GLT1D1: variants seen among roughly 807,000 people sequenced by gnomAD.
GLT1D1 encodes the protein glycosyltransferase 1 domain containing 1.
A neutral mutation model predicts 28.7 loss-of-function variants in GLT1D1; 21 were observed. The ratio of observed to expected loss-of-function variants is 0.73; its 90% CI spans 0.52 to 1.05. The LOEUF (loss-of-function observed/expected upper bound fraction) is 1.05. Among genes scored for constraint, GLT1D1 ranks in the 50% least tolerant of loss-of-function variants. The pLI is 0.00. For missense variants in GLT1D1, 343 were observed against 330.6 expected, an observed-to-expected ratio of 1.04 and a Z score of -0.29; for synonymous variants, 147 against 124.8, an observed-to-expected ratio of 1.18 and a Z score of -1.19.
At chr12:128,865,683 G>C (rs557636526) in intron 1 of GLT1D1, among the ~76,000 whole-genome samples, 2 of 152,012 alleles carry the variant, frequency 1.3e-5, no homozygotes, top group African/African-American at 4.8e-5. Context: ...TTAGCCAGGC[G>C]TGGTGGCATG....
chr12:128,970,403 C>G (rs1878921169), intron 7 of GLT1D1, among the ~76,000 whole-genome samples: 1 of 152,228 alleles, frequency 6.6e-6, no homozygotes, highest in Admixed American at 6.5e-5. Flanking sequence ...CCACTGCACT[C>G]CCGGACCGAG....
chr12:128,970,622 G>C (rs1593206217), intron 7 of GLT1D1, among the ~76,000 whole-genome samples: 2 of 152,332 alleles, frequency 1.3e-5, no homozygotes, highest in South Asian at 4.1e-4. Context: ...CCCCCTCCTC[G>C]TTCCAGGCTT....
rs76621776 is a variant in GLT1D1 at position 128,903,251 on chromosome 12, G to A, written c.375+3964G>A. Among the ~76,000 whole-genome samples the A allele has an allele frequency of 7.1e-3, 1,072 of 151,728 alleles. 34 individuals are homozygous for A. Among genetic ancestry groups the A allele is most frequent in the African/African-American group, 0.025 (1,016 of 41,104 alleles). On this transcript the variant is annotated intron_variant, in intron 4 of 7. Coordinates refer to ENST00000281703, the MANE Select transcript of GLT1D1 (RefSeq NM_144669.3). ...GCAGGGTGGCCTCACTTCCATGCCT[G>A]GACCTTAGCTGGGATGGTGGGGACC...
At chr12:128,908,347 CCTTT>C (rs200465576) in intron 4 of GLT1D1, among the ~76,000 whole-genome samples, 6,160 of 105,418 alleles carry the variant, frequency 0.058, 393 homozygotes, top group African/African-American at 0.18. Flanking sequence ...TCTTTCTTTC[CCTTT>C]CTTTCTTTCT....
rs1280908521 is a variant in GLT1D1, at chr12:128,941,909, T to C, written c.376-3417T>C. On this transcript the variant is annotated intron_variant, in intron 4 of 7. Transcript: ENST00000281703. ...GCCTGGTCTCTCTCTCTCTCTCTTT[T>C]TTTTTTTTTTTTTTTTTTTTACTAT... is the stretch of plus-strand genomic sequence containing the variant. Among the ~76,000 whole-genome samples the C allele has an allele frequency of 5.0e-3, 452 of 89,640 alleles. 3 individuals carry two copies. The highest frequency in any genetic ancestry group is 0.036 in the African/African-American group (432 of 12,094). The allele number at this position is 89,640 out of a possible 152,430, so 58.8% of individuals were successfully genotyped here.
intron 4 of GLT1D1, among the ~76,000 whole-genome samples, chr12:128,933,441 T>C (rs1037312159): frequency 2.0e-5 from 3 of 152,270 alleles, no homozygotes; most frequent in Non-Finnish European, 2.9e-5. Flanking sequence ...TGTCCCGGGC[T>C]GCCCTTTGGG....
chr12:128,885,369 T>G (rs1480417518), intron 2 of GLT1D1, among the ~76,000 whole-genome samples: 3 of 152,090 alleles, frequency 2.0e-5, no homozygotes, highest in Non-Finnish European at 2.9e-5. Context: ...ATTAAAGGCA[T>G]GTGCTACCAC....
At chr12:128,920,429 C>A (rs1441226187) in intron 4 of GLT1D1, among the ~76,000 whole-genome samples, 1 of 152,074 alleles carries the variant, frequency 6.6e-6, no homozygotes, top group East Asian at 1.9e-4. Flanking sequence ...TAGTGCATGT[C>A]TGTAATCCCA....
intron 4 of GLT1D1, among the ~76,000 whole-genome samples, chr12:128,934,012 G>A (rs565911949): frequency 4.4e-4 from 67 of 152,136 alleles, no homozygotes; most frequent in African/African-American, 1.5e-3. Context: ...ACCACTATTC[G>A]TGACATCCGA....
rs960211891 is a variant in GLT1D1 at position 128,953,838 on chromosome 12, C to T, written c.541-3707C>T. Among the ~76,000 whole-genome samples, 48 of 151,708 alleles carry T rather than the reference C, an allele frequency of 3.2e-4. No homozygotes were observed. The Middle Eastern group carries it at 0.01, about 32-fold the overall frequency. ...TCGGCTCACTGCAACCTCCGCCTCCCGGGATCAAGCGATTCTCCTGCCTCA... is the reference window on the plus strand; with the variant it reads ...TCGGCTCACTGCAACCTCCGCCTCCTGGGATCAAGCGATTCTCCTGCCTCA... On this transcript the variant is annotated intron_variant, in intron 6 of 7. Coordinates refer to ENST00000281703, the MANE Select transcript of GLT1D1 (RefSeq NM_144669.3).
chr12:128,923,030 A>T (rs1291108601), intron 4 of GLT1D1, among the ~76,000 whole-genome samples: 6 of 152,172 alleles, frequency 3.9e-5, no homozygotes, highest in Non-Finnish European at 8.8e-5. Flanking sequence ...AGAGGCTGTG[A>T]CAATTTTCCA....
intron 4 of GLT1D1, 90 bp from the exon 6 acceptor site, chr12:128,914,843 A>T: frequency 1.1e-6 from 1 of 874,646 alleles, no homozygotes. Flanking sequence ...TAATAGTAAT[A>T]ATAATAATAA....
At chr12:128,861,540 T>C (rs982375441) in intron 1 of GLT1D1, among the ~76,000 whole-genome samples, 1 of 152,186 alleles carries the variant, frequency 6.6e-6, no homozygotes, top group African/African-American at 2.4e-5. Context: ...AAGGGGCAGT[T>C]CAGTCCAGCC....
chr12:128,975,554 A>G (rs676156), intron 7 of GLT1D1, among the ~76,000 whole-genome samples: 80,408 of 151,892 alleles, frequency 0.53, 21,521 homozygotes, highest in Admixed American at 0.63. Context: ...TGGTTCAAGC[A>G]ATCATCCTGC....
chr12:128,879,382 CTT>C (rs1956955891), intron 2 of GLT1D1, among the ~76,000 whole-genome samples: 1 of 29,356 alleles, frequency 3.4e-5, no homozygotes, highest in Non-Finnish European at 6.4e-5. Flanking sequence ...TTTTCTTTTT[CTT>C]TCTTTCTTTC....
intron 7 of GLT1D1, among the ~76,000 whole-genome samples, chr12:128,976,658 A>G (rs1879792529): frequency 6.6e-6 from 1 of 152,184 alleles, no homozygotes; most frequent in South Asian, 2.1e-4. Flanking sequence ...AAAAATAAGT[A>G]TATATCACTT....
Position 128,972,172 on chromosome 12 carries a change from G to A in GLT1D1, c.640-10757G>A, listed in dbSNP as rs75884848. On this transcript the variant is annotated intron_variant, in intron 7 of 7. Coordinates refer to ENST00000281703, the MANE Select transcript of GLT1D1 (RefSeq NM_144669.3). Reference sequence around the variant, plus strand: ...AACAGGAAGTGGCAGCTGCTCTAATGGGCCCCATCACTTCAGGAGGGCAGC... The same window carrying A: ...AACAGGAAGTGGCAGCTGCTCTAATAGGCCCCATCACTTCAGGAGGGCAGC... Among the ~76,000 whole-genome samples, 305 of 152,204 alleles carry A rather than the reference G, an allele frequency of 2.0e-3. 2 individuals are homozygous for A. Among genetic ancestry groups the A allele is most frequent in the African/African-American group, 7.1e-3 (295 of 41,536 alleles).
At chr12:128,854,394 CGTGTGT>C (rs56655033) in intron 1 of GLT1D1, among the ~76,000 whole-genome samples, 14,000 of 143,826 alleles carry the variant, frequency 0.097, 746 homozygotes, top group Middle Eastern at 0.17. Flanking sequence ...TAACAGAAGC[CGTGTGT>C]GTGTGTGTGT....
intron 1 of GLT1D1, among the ~76,000 whole-genome samples, chr12:128,874,174 C>CT (rs1317963387): frequency 8.1e-6 from 1 of 123,034 alleles, no homozygotes; most frequent in Non-Finnish European, 1.7e-5. Flanking sequence ...TTCTTTCTTT[C>CT]TTTTTTTCTC....
Sources: gnomAD v4.1 joint callset for allele counts (sites outside exome capture counted in the v4.1 genomes callset) on GRCh38, gnomAD v4.1.1 for gene constraint, MANE v1.5 for transcripts, NCBI Gene and HGNC (gene_info 2026-07-23, HGNC 2026-07-21) for gene names.